PTGER4: variants seen among roughly 807,000 people sequenced by gnomAD.
The protein encoded by PTGER4 is prostaglandin E2 receptor EP4 subtype.
PTGER4 carries 11 observed loss-of-function variants against 33.2 expected under a neutral mutation model. That is an observed-to-expected ratio of 0.33 (90% CI 0.21 to 0.55). The LOEUF is 0.55. Among genes scored for constraint, PTGER4 ranks in the 20% least tolerant of loss-of-function variants. The pLI, the probability that PTGER4 is intolerant of heterozygous loss-of-function variation, is 0.92. For missense variants in PTGER4, 481 were observed against 650.2 expected (o/e 0.74, Z 2.83); for synonymous variants, 275 against 281.5 (o/e 0.98, Z 0.23).
At chr5:40,716,184 A>C in the PTGER4 span, 1 of 1,613,718 alleles carries the variant, frequency 6.2e-7, no homozygotes, top group Non-Finnish European at 8.5e-7. Flanking sequence ...CTGGTGGTGT[A>C]GCACCATCCT....
At chr5:40,720,407 A>G in the PTGER4 span, among the ~76,000 whole-genome samples, 6 of 152,190 alleles carry the variant, frequency 3.9e-5, no homozygotes, top group African/African-American at 1.4e-4. Flanking sequence ...CTATATGTCT[A>G]CATTATGCCT....
chr5:40,712,172 C>T, the PTGER4 span, among the ~76,000 whole-genome samples: 1 of 152,074 alleles, frequency 6.6e-6, no homozygotes, highest in African/African-American at 2.4e-5. Flanking sequence ...TGTGGTCTGT[C>T]ACAATTCCAA....
At chr5:40,729,559 G>A in the PTGER4 span, among the ~76,000 whole-genome samples, 13 of 152,228 alleles carry the variant, frequency 8.5e-5, no homozygotes, top group Middle Eastern at 6.8e-3. Context: ...GCCATTTTTA[G>A]AAATATCTCA....
At chr5:40,745,591 C>T in the PTGER4 span, among the ~76,000 whole-genome samples, 1 of 151,822 alleles carries the variant, frequency 6.6e-6, no homozygotes, top group African/African-American at 2.4e-5. Context: ...ATAGCAGAGT[C>T]ACACCTCATC....
rs555920711 is a variant in PTGER4 at position 40,683,770 on chromosome 5, G to A, written c.867+1910G>A. On this transcript the variant is annotated intron_variant, in intron 2 of 2. Transcript: ENST00000302472. This position sits in a 1 kb window ranked among gnomAD's most constrained non-coding sequence, Gnocchi z 4.2. ...TGGTAGACCTGGACCTAAGATTCAG[G>A]GCCCTTACACAAAGCCTTGAAATTA... Among the ~76,000 whole-genome samples the A allele has an allele frequency of 1.9e-4, 29 of 152,222 alleles. No homozygotes were observed. The South Asian group carries it at 5.6e-3, about 29-fold the overall frequency.
the PTGER4 span, among the ~76,000 whole-genome samples, chr5:40,703,625 G>A: frequency 1.1e-4 from 16 of 152,050 alleles, no homozygotes; most frequent in Admixed American, 7.2e-4. Flanking sequence ...GGAAGAGGCC[G>A]GGCACGGTGT....
the PTGER4 span, chr5:40,714,594 C>T: frequency 6.6e-6 from 1 of 152,098 alleles, no homozygotes; most frequent in Non-Finnish European, 1.5e-5. Flanking sequence ...TGAGAATGTT[C>T]TTTATTAAAC....
chr5:40,716,427 A>T, the PTGER4 span: 17 of 1,613,672 alleles, frequency 1.1e-5, no homozygotes, highest in Admixed American at 2.3e-4. Context: ...TTCTTGCCCA[A>T]GAGAGGTCTT....
At chr5:40,716,494 A>G in the PTGER4 span, 1 of 1,584,252 alleles carries the variant, frequency 6.3e-7, no homozygotes, top group Non-Finnish European at 8.6e-7. Context: ...AAAACTTCGA[A>G]TTGCCTAGAA....
chr5:40,735,190 T>C, the PTGER4 span, among the ~76,000 whole-genome samples: 1 of 152,234 alleles, frequency 6.6e-6, no homozygotes, highest in East Asian at 1.9e-4. Flanking sequence ...TAATTGTATG[T>C]GTGATGAAGA....
At chr5:40,715,440 C>T in the PTGER4 span, 6 of 152,164 alleles carry the variant, frequency 3.9e-5, no homozygotes, top group African/African-American at 1.4e-4. Flanking sequence ...CTTACTGTAA[C>T]AATTAAAAAA....
At chr5:40,742,184 G>A in the PTGER4 span, among the ~76,000 whole-genome samples, 3 of 151,976 alleles carry the variant, frequency 2.0e-5, no homozygotes, top group Non-Finnish European at 4.4e-5. Flanking sequence ...ATGGCTGTCA[G>A]TAGAAATCCA....
At chr5:40,718,219 A>G in the PTGER4 span, among the ~76,000 whole-genome samples, 1 of 151,878 alleles carries the variant, frequency 6.6e-6, no homozygotes, top group Non-Finnish European at 1.5e-5. Context: ...CCAGGAGTTC[A>G]ATGACAAAAC....
At chr5:40,731,328 C>G in the PTGER4 span, among the ~76,000 whole-genome samples, 4 of 151,602 alleles carry the variant, frequency 2.6e-5, no homozygotes, top group African/African-American at 9.7e-5. Context: ...TCCCTACCCA[C>G]ATATCATGCC....
chr5:40,702,406 A>G, the PTGER4 span, among the ~76,000 whole-genome samples: 4 of 152,196 alleles, frequency 2.6e-5, no homozygotes, highest in Admixed American at 1.3e-4. Context: ...TTCAAACCAA[A>G]AAAGACAAAG....
the PTGER4 span, among the ~76,000 whole-genome samples, chr5:40,707,827 C>G: frequency 2.0e-5 from 3 of 152,200 alleles, no homozygotes; most frequent in East Asian, 5.8e-4. Context: ...TTACAACAAA[C>G]TGTCTCTCAG....
the PTGER4 span, among the ~76,000 whole-genome samples, chr5:40,708,967 A>T: frequency 6.6e-6 from 1 of 152,128 alleles, no homozygotes; most frequent in African/African-American, 2.4e-5. Context: ...AAAAGGCCTT[A>T]GACAAAATTC....
chr5:40,681,401 G>T lies in PTGER4; in HGVS notation c.408G>T (p.Ala136=). Reference sequence around the variant, plus strand: ...GCCACTACGTGGACAAGCGATTGGCGGGCCTCACGCTCTTTGCAGTCTATG... The same window carrying T: ...GCCACTACGTGGACAAGCGATTGGCTGGCCTCACGCTCTTTGCAGTCTATG... ...FYSHYVDKRL[A]GLTLFAVYAS... Residue 136 remains alanine, a synonymous_variant, in exon 2 of 3, where the codon GCG becomes GCT. Coordinates refer to ENST00000302472, the MANE Select transcript of PTGER4 (RefSeq NM_000958.3). This position sits in a 1 kb window ranked among gnomAD's most constrained non-coding sequence, Gnocchi z 9.8. 5 of 1,614,024 alleles carry T rather than the reference G, an allele frequency of 3.1e-6. No individual in the cohort carries two copies. The highest frequency in any genetic ancestry group is 1.1e-5 in the South Asian group (1 of 91,076).
At chr5:40,736,065 A>G in the PTGER4 span, among the ~76,000 whole-genome samples, 39 of 152,352 alleles carry the variant, frequency 2.6e-4, no homozygotes, top group South Asian at 7.7e-3. Flanking sequence ...TATAAAAATG[A>G]GAGGACAATT....
Sources: gnomAD v4.1 joint callset for allele counts (sites outside exome capture counted in the v4.1 genomes callset) on GRCh38, gnomAD v4.1.1 for gene constraint, Gnocchi (gnomAD v3.1) non-coding constraint, MANE v1.5 for transcripts, NCBI Gene and HGNC (gene_info 2026-07-23, HGNC 2026-07-21) for gene names.